Variants in TRIO observed in about 807,000 individuals in gnomAD.
The protein encoded by TRIO is trio Rho guanine nucleotide exchange factor.
In TRIO, 58 loss-of-function variants were observed where a neutral mutation model predicts 351.9. The observed-to-expected ratio is 0.16, with a 90% CI of 0.13 to 0.21. The LOEUF is 0.21. Ranked by LOEUF, TRIO falls within the 10% of genes least tolerant of loss-of-function variation. TRIO has a pLI of 1.00. For synonymous variants in TRIO, 1,758 were observed against 1,595.7 expected, an observed-to-expected ratio of 1.10 and a Z score of -2.42; for missense variants, 3,201 against 4,027.8, an observed-to-expected ratio of 0.79 and a Z score of 5.56.
chr5:14,358,201 G>A lies in TRIO; in HGVS notation c.2070G>A (p.Leu690=), dbSNP rs1359383551. 1.9e-6 allele frequency: 3 copies of A among 1,613,494 alleles called. No homozygotes were observed. Among genetic ancestry groups the A allele is most frequent in the Admixed American group, 1.7e-5 (1 of 60,004 alleles). The change falls in exon 12 of 57, where the codon CTG becomes CTA. Residue 690 remains leucine, a synonymous_variant. Transcript: ENST00000344204. ...VKELWTWLEE[L]QKELLDDVYA... The stretch of plus-strand genomic sequence containing the variant: ...AGCTGTGGACGTGGCTGGAGGAGCT[G>A]CAGAAGGAGCTGCTGGACGACGTGT...
chr5:14,287,440 A>T (rs959911853), intron 4 of TRIO, among the ~76,000 whole-genome samples: 6 of 152,208 alleles, frequency 3.9e-5, no homozygotes, highest in African/African-American at 1.4e-4. Flanking sequence ...AGATGAGGGA[A>T]TGTTAGGGAG....
chr5:14,359,357 G>A lies in TRIO; in HGVS notation c.2217G>A (p.Arg739=). 6.2e-7 allele frequency: 1 copy of A among 1,611,058 alleles called. No individual in the cohort carries two copies. Among genetic ancestry groups the A allele is most frequent in the Non-Finnish European group, 8.5e-7 (1 of 1,177,430 alleles). ...KEGEDLIQQL[R]DSAISSNKTP... ...CCTGTTCCTCTGTGTGCTCTCGCAG[G>A]GACTCTGCCATCTCCAGTAACAAGA... is the stretch of plus-strand genomic sequence containing the variant. Residue 739 remains arginine, a splice_region_variant and synonymous_variant, in exon 13 of 57, where the codon AGG becomes AGA. Transcript: ENST00000344204.
chr5:14,206,760 G>A (rs1035023513), intron 1 of TRIO, among the ~76,000 whole-genome samples: 5 of 152,146 alleles, frequency 3.3e-5, no homozygotes, highest in Non-Finnish European at 5.9e-5. Flanking sequence ...TGCTATTTCC[G>A]TGTACTGGCA....
intron 37 of TRIO, among the ~76,000 whole-genome samples, chr5:14,468,653 A>C (rs1205718107): frequency 6.6e-6 from 1 of 152,236 alleles, no homozygotes; most frequent in Non-Finnish European, 1.5e-5. Flanking sequence ...GTAATATCCT[A>C]AACTTATACT....
chr5:14,465,140 A>G (rs1266592549), intron 36 of TRIO, among the ~76,000 whole-genome samples: 1 of 151,954 alleles, frequency 6.6e-6, no homozygotes, highest in African/African-American at 2.4e-5. Context: ...TTATTCCAGG[A>G]TTCTCTCACT....
chr5:14,277,677 G>T (rs1194898875), intron 2 of TRIO, among the ~76,000 whole-genome samples: 1 of 152,152 alleles, frequency 6.6e-6, no homozygotes, highest in Admixed American at 6.5e-5. Flanking sequence ...ACTTTTCTGC[G>T]TTATACTCAG....
At chr5:14,256,322 A>C (rs528288049) in intron 1 of TRIO, among the ~76,000 whole-genome samples, 1 of 152,112 alleles carries the variant, frequency 6.6e-6, no homozygotes, top group African/African-American at 2.4e-5. Context: ...CCATGACTCA[A>C]ACACCTCCCA....
chr5:14,467,633 C>T (rs575523086), intron 37 of TRIO, among the ~76,000 whole-genome samples: 34 of 151,980 alleles, frequency 2.2e-4, no homozygotes, highest in Non-Finnish European at 4.0e-4. Flanking sequence ...CTGGGAAACA[C>T]GAGACCGCAT....
chr5:14,488,470 C>T (rs1756216483), intron 48 of TRIO: 1 of 654,970 alleles, frequency 1.5e-6, no homozygotes, highest in Non-Finnish European at 2.5e-6. Flanking sequence ...CTAATAAGAG[C>T]AAGCCGATCA....
intron 5 of TRIO, among the ~76,000 whole-genome samples, chr5:14,291,788 TAAA>T (rs57424190): frequency 5.0e-5 from 5 of 100,958 alleles, no homozygotes; most frequent in Middle Eastern, 0.011. Flanking sequence ...GACTCCGTCT[TAAA>T]AAAAAAAAAA....
intron 10 of TRIO, 113 bp downstream of exon 10, chr5:14,331,013 C>T (rs1740858414): frequency 6.8e-6 from 10 of 1,469,000 alleles, no homozygotes; most frequent in Non-Finnish European, 9.2e-6. Flanking sequence ...TGTTTGACAC[C>T]TCAGATGAGG....
At chr5:14,502,697 G>C (rs1479899083) in intron 54 of TRIO, 40 bp downstream of exon 54, 11 of 1,593,172 alleles carry the variant, frequency 6.9e-6, no homozygotes, top group Non-Finnish European at 8.6e-6. Flanking sequence ...AAAGAGCAGA[G>C]CGTGGGGAAG....
At position 14,372,047 on chromosome 5, in the gene TRIO, C is replaced by T. The variant is rs79072353; in HGVS notation, c.3217-2182C>T. ...ATCACTTTTAATCTAAACAATACTCCCTCCTTTCATTACTATTTATTAATT... is the reference window on the plus strand; with the variant it reads ...ATCACTTTTAATCTAAACAATACTCTCTCCTTTCATTACTATTTATTAATT... On this transcript the variant is annotated intron_variant, in intron 18 of 56. Coordinates refer to ENST00000344204, the MANE Select transcript of TRIO (RefSeq NM_007118.4). 5.5e-3 allele frequency among the ~76,000 whole-genome samples: 839 copies of T among 152,088 alleles called. 6 individuals are homozygous for T. Among genetic ancestry groups the T allele is most frequent in the African/African-American group, 0.018 (751 of 41,450 alleles).
chr5:14,497,896 C>G lies in TRIO; in HGVS notation c.8047+22C>G, dbSNP rs780874205. 2 of 1,614,028 alleles carry G rather than the reference C, an allele frequency of 1.2e-6. No homozygotes were observed. Among genetic ancestry groups the G allele is most frequent in the Admixed American group, 3.3e-5 (2 of 60,002 alleles). On this transcript the variant is annotated intron_variant, in intron 51 of 56. Transcript: ENST00000344204. The surrounding 1 kb of genome is among the most constrained non-coding windows in gnomAD (Gnocchi z 4.4). ...GACGGTGAGTTCTGTTCTTTTTCTT[C>G]TAGTCCTAGAGATGATTCTAGACCT...
At chr5:14,414,830 G>A (rs1001306640) in intron 33 of TRIO, among the ~76,000 whole-genome samples, 1 of 152,156 alleles carries the variant, frequency 6.6e-6, no homozygotes, top group African/African-American at 2.4e-5. Flanking sequence ...CGGAGGGCCT[G>A]TTGTTCACGT....
intron 34 of TRIO, among the ~76,000 whole-genome samples, chr5:14,444,162 A>G (rs1197531263): frequency 6.6e-6 from 1 of 152,170 alleles, no homozygotes; most frequent in Non-Finnish European, 1.5e-5. Context: ...TTAAAGGGAA[A>G]CATTCCAAAG....
At chr5:14,333,695 C>T (rs539052889) in intron 10 of TRIO, among the ~76,000 whole-genome samples, 1 of 152,312 alleles carries the variant, frequency 6.6e-6, no homozygotes, top group Admixed American at 6.5e-5. Context: ...AACAGCCCTG[C>T]AGCCAAGGAT....
At chr5:14,249,021 A>G (rs1794598227) in intron 1 of TRIO, among the ~76,000 whole-genome samples, 1 of 152,146 alleles carries the variant, frequency 6.6e-6, no homozygotes, top group African/African-American at 2.4e-5. Context: ...GGTCCAGGTG[A>G]GCTAGATGTA....
At chr5:14,177,494 C>T (rs1789478860) in intron 1 of TRIO, among the ~76,000 whole-genome samples, 1 of 152,164 alleles carries the variant, frequency 6.6e-6, no homozygotes, top group South Asian at 2.1e-4. Flanking sequence ...GTTCTGGAAC[C>T]TGGGTGTCTT....
Sources: gnomAD v4.1 joint callset for allele counts (sites outside exome capture counted in the v4.1 genomes callset) on GRCh38, gnomAD v4.1.1 for gene constraint, Gnocchi (gnomAD v3.1) non-coding constraint, MANE v1.5 for transcripts, NCBI Gene and HGNC (gene_info 2026-07-23, HGNC 2026-07-21) for gene names.